Variants in TENM4 observed in about 807,000 individuals in gnomAD.
TENM4 encodes the protein teneurin transmembrane protein 4, also known as teneurin-4.
A neutral mutation model predicts 243.3 loss-of-function variants in TENM4; 82 were observed. That is an observed-to-expected ratio of 0.34 (90% CI 0.28 to 0.40). TENM4 has a LOEUF of 0.40. TENM4 is among the 10% of genes least tolerant of loss of function. TENM4 has a pLI of 1.00. For missense variants in TENM4, 3,138 were observed against 3,673.3 expected (o/e 0.85, Z 3.77); for synonymous variants, 1,412 against 1,456.3 (o/e 0.97, Z 0.69).
intron 1 of TENM4, among the ~76,000 whole-genome samples, chr11:79,307,348 A>G (rs1856642948): frequency 6.6e-6 from 1 of 151,898 alleles, no homozygotes; most frequent in Non-Finnish European, 1.5e-5. Context: ...CCATCTCAAT[A>G]AGTGATGCCA....
At chr11:78,972,285 G>A (rs1196935603) in intron 6 of TENM4, among the ~76,000 whole-genome samples, 1 of 152,038 alleles carries the variant, frequency 6.6e-6, no homozygotes, top group Non-Finnish European at 1.5e-5. Context: ...TTACTCCCCT[G>A]GTCCGGCAGC....
At chr11:79,314,440 G>A (rs187507313) in intron 1 of TENM4, among the ~76,000 whole-genome samples, 1 of 152,282 alleles carries the variant, frequency 6.6e-6, no homozygotes, top group East Asian at 1.9e-4. Flanking sequence ...CTTGCTGACC[G>A]GAAGTTGGGG....
At chr11:78,849,536 G>C (rs1230861320) in intron 12 of TENM4, among the ~76,000 whole-genome samples, 1 of 152,174 alleles carries the variant, frequency 6.6e-6, no homozygotes, top group Non-Finnish European at 1.5e-5. Flanking sequence ...ACATAAAAAA[G>C]AGAGCTAAGC....
At chr11:78,991,479 A>C (rs1858045125) in intron 6 of TENM4, among the ~76,000 whole-genome samples, 1 of 152,196 alleles carries the variant, frequency 6.6e-6, no homozygotes, top group Non-Finnish European at 1.5e-5. Flanking sequence ...TGTGCATATA[A>C]ATACTGTACC....
intron 3 of TENM4, among the ~76,000 whole-genome samples, chr11:79,174,284 A>G (rs963789592): frequency 1.3e-5 from 2 of 151,486 alleles, no homozygotes; most frequent in Admixed American, 1.3e-4. Context: ...AACGTTGTAC[A>G]TGATGCTCTC....
intron 6 of TENM4, among the ~76,000 whole-genome samples, chr11:79,056,370 A>G (rs1343724549): frequency 6.6e-6 from 1 of 151,914 alleles, no homozygotes; most frequent in Admixed American, 6.5e-5. Context: ...TTGTGTTAGT[A>G]TGTGCTGCCA....
At chr11:79,039,770 A>G (rs1014391032) in intron 6 of TENM4, among the ~76,000 whole-genome samples, 1 of 152,226 alleles carries the variant, frequency 6.6e-6, no homozygotes, top group African/African-American at 2.4e-5. Flanking sequence ...CTGCACGTTC[A>G]GCACATGTAT....
chr11:78,780,405 T>C (rs1856817789), intron 16 of TENM4, among the ~76,000 whole-genome samples: 1 of 152,238 alleles, frequency 6.6e-6, no homozygotes, highest in African/African-American at 2.4e-5. Context: ...GTTAGCTTTC[T>C]TATCTGCAGA....
At chr11:78,848,503 C>T (rs1289814605) in intron 12 of TENM4, among the ~76,000 whole-genome samples, 1 of 152,090 alleles carries the variant, frequency 6.6e-6, no homozygotes, top group African/African-American at 2.4e-5. Flanking sequence ...AACACCTGCC[C>T]TCCCATTTTC....
intron 6 of TENM4, among the ~76,000 whole-genome samples, chr11:78,990,076 AAAG>A (rs1252077002): frequency 6.6e-6 from 1 of 151,954 alleles, no homozygotes; most frequent in Non-Finnish European, 1.5e-5. Context: ...AAAAAAAAAA[AAAG>A]ATGATTTGGC....
At chr11:79,431,171 T>C (rs1036140211) in intron 1 of TENM4, among the ~76,000 whole-genome samples, 10 of 152,238 alleles carry the variant, frequency 6.6e-5, no homozygotes, top group Admixed American at 3.3e-4. Context: ...TTTATTTCTC[T>C]AGTCCTGCTT....
intron 6 of TENM4, chr11:79,014,578 C>T (rs1858726965): frequency 6.6e-6 from 1 of 152,220 alleles, no homozygotes; most frequent in Non-Finnish European, 1.5e-5. Flanking sequence ...TACCTTTGCA[C>T]TTCATTAGGC....
At chr11:79,397,599 C>A (rs111873064) in intron 1 of TENM4, among the ~76,000 whole-genome samples, 5 of 152,130 alleles carry the variant, frequency 3.3e-5, no homozygotes, top group Admixed American at 2.6e-4. Context: ...AGGAAGGATA[C>A]CCCAGCAACC....
intron 1 of TENM4, among the ~76,000 whole-genome samples, chr11:79,361,443 C>T (rs773632049): frequency 1.3e-5 from 2 of 152,180 alleles, no homozygotes; most frequent in South Asian, 2.1e-4. Flanking sequence ...CCTCATCCAT[C>T]GAGCAAGTTT....
intron 6 of TENM4, among the ~76,000 whole-genome samples, chr11:78,964,400 C>A (rs1241575879): frequency 6.6e-6 from 1 of 152,128 alleles, no homozygotes; most frequent in Non-Finnish European, 1.5e-5. Flanking sequence ...CAACATTTTA[C>A]AGAGTTGATG....
chr11:79,417,357 G>A (rs11822615), intron 1 of TENM4, among the ~76,000 whole-genome samples: 3,935 of 152,234 alleles, frequency 0.026, 171 homozygotes, highest in African/African-American at 0.09. Flanking sequence ...TGGGCTGTTT[G>A]TTGATGGCTC....
At chr11:79,354,472 A>G (rs1035256801) in intron 1 of TENM4, among the ~76,000 whole-genome samples, 4 of 152,232 alleles carry the variant, frequency 2.6e-5, no homozygotes, top group Non-Finnish European at 4.4e-5. Flanking sequence ...AGGTCACACA[A>G]AGATACAAAA....
At chr11:79,430,196 A>G (rs984797530) in intron 1 of TENM4, among the ~76,000 whole-genome samples, 5 of 129,040 alleles carry the variant, frequency 3.9e-5, no homozygotes, top group African/African-American at 6.2e-5. Flanking sequence ...GCGAAAAAAA[A>G]AAAAAGAAAA....
intron 6 of TENM4, among the ~76,000 whole-genome samples, chr11:78,950,107 C>A (rs1857082540): frequency 6.6e-6 from 1 of 152,120 alleles, no homozygotes; most frequent in Admixed American, 6.5e-5. Flanking sequence ...ACCTGAGAAG[C>A]CTGCCCATTG....
Sources: allele counts gnomAD v4.1 joint callset (sites outside exome capture counted in the v4.1 genomes callset), GRCh38; gene constraint gnomAD v4.1.1; transcripts MANE v1.5; gene names NCBI Gene and HGNC (gene_info 2026-07-23, HGNC 2026-07-21).